The following TPRG1 variants were observed in gnomAD, a reference collection of about 807,000 sequenced individuals.
TPRG1 encodes the protein tumor protein p63-regulated gene 1 protein.
A neutral mutation model predicts 29.3 loss-of-function variants in TPRG1; 29 were observed. That is an observed-to-expected ratio of 0.99 (90% CI 0.74 to 1.35). The LOEUF (loss-of-function observed/expected upper bound fraction) is 1.35. Ranked by LOEUF, TPRG1 falls within the 40% of genes most tolerant of loss-of-function variation. The pLI, the probability that TPRG1 is intolerant of heterozygous loss-of-function variation, is 0.00. For missense variants in TPRG1, 327 were observed against 335.0 expected (o/e 0.98, Z 0.19); for synonymous variants, 130 against 116.8 (o/e 1.11, Z -0.73).
chr3:189,224,395 G>A (rs1737388256), intron 3 of TPRG1, among the ~76,000 whole-genome samples: 1 of 152,262 alleles, frequency 6.6e-6, no homozygotes, highest in Non-Finnish European at 1.5e-5. Flanking sequence ...CAGGAGAATC[G>A]CTTGAACCTG....
chr3:189,123,423 G>A lies in TPRG1; in HGVS notation c.-743-3634G>A, dbSNP rs117762587. ...GTGAAATGTAGAAAAGTTCTTGCAG[G>A]AAGCTCCGGCAGAATGTGTAATGTA... On this transcript the variant is annotated intron_variant, in intron 1 of 6. Coordinates refer to the TPRG1 transcript ENST00000412373. 2.6e-5 allele frequency among the ~76,000 whole-genome samples: 4 copies of A among 152,300 alleles called. No homozygotes were observed. In the East Asian group the frequency reaches 5.8e-4, roughly 22 times the overall value.
chr3:189,250,590 T>A (rs1343516576), intron 4 of TPRG1, among the ~76,000 whole-genome samples: 1 of 146,218 alleles, frequency 6.8e-6, no homozygotes, highest in Non-Finnish European at 1.5e-5. Flanking sequence ...TCTAACTTAT[T>A]TGGCCCTTCT....
intron 1 of TPRG1, among the ~76,000 whole-genome samples, chr3:189,112,217 AT>A (rs1412792012): frequency 1.3e-5 from 2 of 152,074 alleles, no homozygotes; most frequent in African/African-American, 4.8e-5. Context: ...CTTTGTAAGA[AT>A]TTTTGCATCT....
chr3:189,125,813 TTGTGTGTGTGTGTGTGTGTGTG>T (rs751689409), intron 1 of TPRG1, among the ~76,000 whole-genome samples: 71 of 124,144 alleles, frequency 5.7e-4, no homozygotes, highest in African/African-American at 1.4e-3. Flanking sequence ...GCAGGGTGTT[TTGTGTGTGTGTGTGTGTGTGTG>T]TGTGTGTGTG....
At chr3:189,276,989 C>A (rs1716266520) in intron 4 of TPRG1, among the ~76,000 whole-genome samples, 1 of 152,148 alleles carries the variant, frequency 6.6e-6, no homozygotes, top group Non-Finnish European at 1.5e-5. Flanking sequence ...CTCTCTTTGC[C>A]TCCTTGTTAC....
At chr3:189,185,471 C>T (rs1173586006) in intron 1 of TPRG1, among the ~76,000 whole-genome samples, 4 of 152,178 alleles carry the variant, frequency 2.6e-5, no homozygotes, top group Non-Finnish European at 5.9e-5. Flanking sequence ...AGCGATCCCC[C>T]AATCTCGGCC....
chr3:189,071,408 T>TACAC (rs140146383), intron 4 of TPRG1, among the ~76,000 whole-genome samples: 23 of 151,386 alleles, frequency 1.5e-4, no homozygotes, highest in South Asian at 4.2e-4. Flanking sequence ...GTATGAGTTT[T>TACAC]ACACACACAC....
intron 4 of TPRG1, among the ~76,000 whole-genome samples, chr3:189,250,939 T>C (rs891524919): frequency 6.6e-6 from 1 of 152,058 alleles, no homozygotes; most frequent in African/African-American, 2.4e-5. Context: ...CAGGGATTCA[T>C]GCATCATGAG....
intron 4 of TPRG1, 38 bp from the exon 5 acceptor site, chr3:189,310,348 G>C: frequency 6.8e-7 from 1 of 1,467,670 alleles, no homozygotes; most frequent in Non-Finnish European, 9.1e-7. Context: ...TTTTGGAAAT[G>C]GAAATGACTA....
chr3:189,039,424 T>C (rs1316381812), intron 4 of TPRG1, among the ~76,000 whole-genome samples: 2 of 151,942 alleles, frequency 1.3e-5, no homozygotes, highest in Non-Finnish European at 2.9e-5. Context: ...ATGTTAGAAA[T>C]TGAAAGGAGC....
rs1560633455 is a variant in TPRG1, at chr3:189,272,723, CCT to C, written c.479+33815_479+33816del. Among the ~76,000 whole-genome samples the C allele has an allele frequency of 8.4e-4, 121 of 143,730 alleles. 2 individuals carry two copies. Among genetic ancestry groups the C allele is most frequent in the Middle Eastern group, 3.4e-3 (1 of 292 alleles). 94.3% of individuals were successfully genotyped at this position (143,730 alleles called of 152,430 possible). A position where few individuals can be genotyped will look rare whatever the true frequency, so the allele number is the denominator to read the frequency against. On this transcript the variant is annotated intron_variant, in intron 4 of 5. Transcript: ENST00000345063. ...TTTCTTTCTTTCTTTCTCCTTCCTT[CCT>C]TCCTTCCTTCCTTCCTTCCTTCCTT...
At chr3:189,118,017 C>G (rs1046381336) in intron 1 of TPRG1, among the ~76,000 whole-genome samples, 1 of 152,120 alleles carries the variant, frequency 6.6e-6, no homozygotes, top group Non-Finnish European at 1.5e-5. Context: ...CAGAAGAAGA[C>G]AGGAAGATGT....
chr3:189,250,506 C>CCCCCG (rs1742024253), intron 4 of TPRG1, among the ~76,000 whole-genome samples: 1 of 63,604 alleles, frequency 1.6e-5, no homozygotes, highest in Non-Finnish European at 2.8e-5. Context: ...TGATTTCCGC[C>CCCCCG]CCCCCCCCCC....
chr3:189,170,188 T>C (rs541804124), upstream of TPRG1, among the ~76,000 whole-genome samples: 13 of 152,276 alleles, frequency 8.5e-5, no homozygotes, highest in Admixed American at 6.5e-4. Context: ...ATAAAGACAT[T>C]TGGAGCTGAG....
intron 4 of TPRG1, among the ~76,000 whole-genome samples, chr3:189,087,722 G>T (rs561395892): frequency 3.9e-5 from 6 of 152,196 alleles, no homozygotes; most frequent in Admixed American, 6.5e-5. Flanking sequence ...GCTTTCTACA[G>T]ATGTCTAGCC....
intron 1 of TPRG1, among the ~76,000 whole-genome samples, chr3:189,108,891 T>C (rs1720142240): frequency 6.6e-6 from 1 of 152,038 alleles, no homozygotes; most frequent in Non-Finnish European, 1.5e-5. Flanking sequence ...GGTGTTTCCA[T>C]CTTGCTTTGC....
intron 3 of TPRG1, among the ~76,000 whole-genome samples, chr3:189,012,984 G>A (rs886176225): frequency 2.6e-5 from 4 of 151,650 alleles, no homozygotes; most frequent in Non-Finnish European, 4.4e-5. Flanking sequence ...ATATCTCTAC[G>A]AAGGAGATAG....
chr3:189,089,183 A>G (rs1185834805), intron 4 of TPRG1, among the ~76,000 whole-genome samples: 1 of 151,970 alleles, frequency 6.6e-6, no homozygotes, highest in East Asian at 1.9e-4. Context: ...GAAGCTGTCC[A>G]TCAAAAAACA....
chr3:189,281,900 A>T (rs1313462317), intron 4 of TPRG1, among the ~76,000 whole-genome samples: 1 of 151,962 alleles, frequency 6.6e-6, no homozygotes, highest in Non-Finnish European at 1.5e-5. Context: ...ATTTTTTTGG[A>T]GACAGAGTCT....
Sources: gnomAD v4.1 joint callset for allele counts (sites outside exome capture counted in the v4.1 genomes callset) on GRCh38, gnomAD v4.1.1 for gene constraint, MANE v1.5 for transcripts, NCBI Gene and HGNC (gene_info 2026-07-23, HGNC 2026-07-21) for gene names.